NDRG3: variants seen among roughly 807,000 people sequenced by gnomAD.
NDRG3 encodes protein NDRG3.
In NDRG3, 23 loss-of-function variants were observed where a neutral mutation model predicts 57.2. That is an observed-to-expected ratio of 0.40 (90% CI 0.29 to 0.57). The LOEUF (loss-of-function observed/expected upper bound fraction) is 0.57, where lower values mean the gene tolerates loss of function less well. Among genes scored for constraint, NDRG3 ranks in the 20% least tolerant of loss-of-function variants. NDRG3 has a pLI of 0.42. For synonymous variants in NDRG3, 132 were observed against 162.6 expected (o/e 0.81, Z 1.43); for missense variants, 384 against 457.3 (o/e 0.84, Z 1.46).
intron 1 of NDRG3, among the ~76,000 whole-genome samples, chr20:36,734,839 T>A (rs766398671): frequency 2.0e-5 from 3 of 151,840 alleles, no homozygotes; most frequent in African/African-American, 7.3e-5. Flanking sequence ...TCACTCCCAA[T>A]TGAGAAGCAC....
intron 10 of NDRG3, 69 bp downstream of exon 10, chr20:36,666,220 C>T: frequency 8.4e-7 from 1 of 1,194,068 alleles, no homozygotes; most frequent in Non-Finnish European, 1.2e-6. Context: ...ACAGTCCTCT[C>T]TCCTTCTCCC....
At chr20:36,712,690 A>C (rs1191154295) in intron 2 of NDRG3, among the ~76,000 whole-genome samples, 1 of 138,312 alleles carries the variant, frequency 7.2e-6, no homozygotes, top group East Asian at 2.3e-4. Context: ...CCGCCTGCCA[A>C]GTTCCATCGA....
intron 1 of NDRG3, among the ~76,000 whole-genome samples, chr20:36,740,315 TC>T (rs765017675): frequency 6.6e-6 from 1 of 152,220 alleles, no homozygotes; most frequent in Non-Finnish European, 1.5e-5. Flanking sequence ...GCCGGATTCC[TC>T]CAAAGTGCAC....
At chr20:36,686,813 G>A (rs1981823063) in intron 5 of NDRG3, among the ~76,000 whole-genome samples, 1 of 152,172 alleles carries the variant, frequency 6.6e-6, no homozygotes, top group South Asian at 2.1e-4. Flanking sequence ...AAAGCTCAGA[G>A]AGATCTGAAT....
At chr20:36,704,251 A>AT (rs1381954928) in intron 3 of NDRG3, among the ~76,000 whole-genome samples, 2 of 151,804 alleles carry the variant, frequency 1.3e-5, no homozygotes, top group Non-Finnish European at 2.9e-5. Flanking sequence ...TAATTTTTGT[A>AT]TTTTTAGTAG....
At chr20:36,688,069 T>C (rs1981938247) in intron 4 of NDRG3, among the ~76,000 whole-genome samples, 1 of 152,248 alleles carries the variant, frequency 6.6e-6, no homozygotes, top group African/African-American at 2.4e-5. Context: ...GGGCTGCTGC[T>C]TCCACTTCTA....
At chr20:36,717,125 G>C (rs1984321743) in intron 2 of NDRG3, among the ~76,000 whole-genome samples, 1 of 152,184 alleles carries the variant, frequency 6.6e-6, no homozygotes, top group African/African-American at 2.4e-5. Context: ...ACTGGTGGTT[G>C]CTTCTTTTCA....
rs142726803 is a variant in NDRG3 at position 36,665,319 on chromosome 20, A to T, written c.693-18T>A. The T allele has an allele frequency of 1.1e-3, 1,759 of 1,613,220 alleles. 11 individuals carry two copies. In the African/African-American group the frequency reaches 0.019, roughly 18 times the overall value. Reference sequence around the variant, plus strand: ...CTCTGCGTCTAGAAAAACAAAGCAGAAGCAATGCCCTTTTTGGGTAAAGTC... The same window carrying T: ...CTCTGCGTCTAGAAAAACAAAGCAGTAGCAATGCCCTTTTTGGGTAAAGTC... On this transcript the variant is annotated intron_variant, in intron 10 of 15. Transcript: ENST00000349004.
At chr20:36,698,801 A>C (rs1377256547) in intron 3 of NDRG3, among the ~76,000 whole-genome samples, 5 of 152,302 alleles carry the variant, frequency 3.3e-5, no homozygotes, top group Non-Finnish European at 7.3e-5. Flanking sequence ...TATTAGCATT[A>C]ATACACACAG....
At chr20:36,729,316 G>C (rs541803843) in intron 1 of NDRG3, among the ~76,000 whole-genome samples, 20 of 152,268 alleles carry the variant, frequency 1.3e-4, no homozygotes, top group South Asian at 6.2e-4. Context: ...TGAAGTTCCA[G>C]CTATTACTTG....
At chr20:36,689,896 A>G (rs1172750816) in intron 3 of NDRG3, among the ~76,000 whole-genome samples, 1 of 151,632 alleles carries the variant, frequency 6.6e-6, no homozygotes, top group African/African-American at 2.4e-5. Context: ...AATTTTTTGT[A>G]TTTTTAGTAG....
intron 13 of NDRG3, among the ~76,000 whole-genome samples, chr20:36,658,780 T>C (rs1356349218): frequency 6.6e-6 from 1 of 152,168 alleles, no homozygotes; most frequent in Middle Eastern, 3.2e-3. Context: ...CACTTGATAC[T>C]AACTCTAGAT....
At position 36,690,378 on chromosome 20, in the gene NDRG3, C is replaced by T. The variant is rs1600904567; in HGVS notation, c.94-1594G>A. Among the ~76,000 whole-genome samples the T allele has an allele frequency of 2.0e-5, 3 of 151,206 alleles. No individual in the cohort carries two copies. In the East Asian group the frequency reaches 5.9e-4, roughly 30 times the overall value. On this transcript the variant is annotated intron_variant, in intron 3 of 15. Coordinates refer to ENST00000349004, the MANE Select transcript of NDRG3 (RefSeq NM_032013.4). ...AACCCAATAGAGCAGACAAAAGATG[C>T]ACCGAGCAAAGCTCAGGAACCGAAT...
intron 3 of NDRG3, among the ~76,000 whole-genome samples, chr20:36,692,318 G>C (rs1982331177): frequency 6.6e-6 from 1 of 152,158 alleles, no homozygotes; most frequent in South Asian, 2.1e-4. Flanking sequence ...TCACTTCCCA[G>C]GTTCAAGCAA....
Position 36,694,238 on chromosome 20 carries a change from T to A in NDRG3, c.94-5454A>T, listed in dbSNP as rs899726938. On this transcript the variant is annotated intron_variant, in intron 3 of 15. Transcript: ENST00000349004. ...AGGCAGGGGAGGCAGGCACACTTGATGTAACTTTACAGAAATACATGGTAA... is the reference window on the plus strand; with the variant it reads ...AGGCAGGGGAGGCAGGCACACTTGAAGTAACTTTACAGAAATACATGGTAA... Among the ~76,000 whole-genome samples the A allele has an allele frequency of 4.6e-5, 7 of 152,144 alleles. No individual in the cohort carries two copies. In the South Asian group the frequency reaches 1.0e-3, roughly 23 times the overall value.
chr20:36,730,233 C>A (rs1233483949), intron 1 of NDRG3, among the ~76,000 whole-genome samples: 1 of 146,352 alleles, frequency 6.8e-6, no homozygotes, highest in East Asian at 2.1e-4. Context: ...GGCGACAGAG[C>A]GAGACTCTGT....
chr20:36,730,429 T>C (rs1458461882), intron 1 of NDRG3, among the ~76,000 whole-genome samples: 1 of 151,632 alleles, frequency 6.6e-6, no homozygotes, highest in African/African-American at 2.4e-5. Context: ...CTAATTTTTG[T>C]TTTTTGGTAG....
At chr20:36,733,172 ATATATATAT>A (rs1384152231) in intron 1 of NDRG3, among the ~76,000 whole-genome samples, 157 of 11,496 alleles carry the variant, frequency 0.014, 2 homozygotes, top group African/African-American at 0.033. Context: ...AAAAAAAAAA[ATATATATAT>A]ATATATATAT....
chr20:36,680,957 A>T, intron 7 of NDRG3, 55 bp from the exon 8 acceptor site: 1 of 1,411,880 alleles, frequency 7.1e-7, no homozygotes, highest in South Asian at 1.2e-5. Flanking sequence ...CAGTTCTTCT[A>T]AACAGTTGGA....
Sources: gnomAD v4.1 joint callset for allele counts (sites outside exome capture counted in the v4.1 genomes callset) on GRCh38, gnomAD v4.1.1 for gene constraint, MANE v1.5 for transcripts, NCBI Gene and HGNC (gene_info 2026-07-23, HGNC 2026-07-21) for gene names.